Variants in XXYLT1 observed in about 807,000 individuals in gnomAD.
XXYLT1 encodes UDP-xylose:alpha-xyloside alpha-1,3-xylosyltransferase.
A neutral mutation model predicts 28.9 loss-of-function variants in XXYLT1; 20 were observed. That is an observed-to-expected ratio of 0.69 (90% confidence interval 0.49 to 1.00). The LOEUF (loss-of-function observed/expected upper bound fraction) is 1.00. Ranked by LOEUF, XXYLT1 falls within the 50% of genes least tolerant of loss-of-function variation. The pLI is 0.00. For missense variants in XXYLT1, 542 were observed against 560.1 expected (o/e 0.97, Z 0.33); for synonymous variants, 257 against 253.8 (o/e 1.01, Z -0.12).
At chr3:195,106,490 G>A (rs1315160689) in intron 3 of XXYLT1, among the ~76,000 whole-genome samples, 5 of 152,232 alleles carry the variant, frequency 3.3e-5, no homozygotes, top group Non-Finnish European at 5.9e-5. Context: ...CGGTGTCTAC[G>A]CCGGGCTCGC....
chr3:195,179,242 A>C (rs1007961417), intron 2 of XXYLT1, among the ~76,000 whole-genome samples: 10 of 151,682 alleles, frequency 6.6e-5, no homozygotes, highest in African/African-American at 2.4e-4. Flanking sequence ...CGGAAGGCTG[A>C]GGCAGGAGAA....
intron 2 of XXYLT1, among the ~76,000 whole-genome samples, chr3:195,218,822 C>G (rs1314009246): frequency 2.0e-5 from 3 of 151,870 alleles, no homozygotes; most frequent in Non-Finnish European, 4.4e-5. Context: ...TGGGTATATA[C>G]CCAAAGGACT....
Position 195,150,869 on chromosome 3 carries a change from C to CA in XXYLT1, c.785+5579_785+5580insT, listed in dbSNP as rs1216482518. ...TCACACACTCTCACACACACACACA[C>CA]TCTCTCCCTCTCCCTCTCCCTCTCT... On this transcript the variant is annotated intron_variant, in intron 3 of 3. Transcript: ENST00000310380. This position sits in a 1 kb window ranked among gnomAD's most constrained non-coding sequence, Gnocchi z 4.7. Among the ~76,000 whole-genome samples the CA allele has an allele frequency of 3.1e-4, 27 of 87,888 alleles. No homozygotes were observed. Among genetic ancestry groups the CA allele is most frequent in the African/African-American group, 1.5e-3 (27 of 18,224 alleles). 57.7% of individuals were successfully genotyped at this position (87,888 alleles called of 152,430 possible).
intron 3 of XXYLT1, among the ~76,000 whole-genome samples, chr3:195,110,205 G>GCAT (rs1717464461): frequency 1.4e-5 from 1 of 69,338 alleles, no homozygotes; most frequent in East Asian, 2.8e-4. Context: ...GTGTATGTGT[G>GCAT]GTGTGTGCGT....
At chr3:195,142,005 C>T (rs1560116054) in intron 3 of XXYLT1, among the ~76,000 whole-genome samples, 1 of 152,228 alleles carries the variant, frequency 6.6e-6, no homozygotes, top group Non-Finnish European at 1.5e-5. Flanking sequence ...GTAATCACAA[C>T]TTTGATTATC....
At chr3:195,071,744 T>C (rs969685251) in intron 3 of XXYLT1, among the ~76,000 whole-genome samples, 9 of 152,136 alleles carry the variant, frequency 5.9e-5, no homozygotes, top group Admixed American at 3.3e-4. Flanking sequence ...GTGGTTCATT[T>C]CAGGACCAGG....
At chr3:195,096,985 TGCGCTGA>T (rs1422341053) in intron 3 of XXYLT1, among the ~76,000 whole-genome samples, 3 of 152,264 alleles carry the variant, frequency 2.0e-5, no homozygotes, top group Non-Finnish European at 4.4e-5. Context: ...ATGGTCAGGC[TGCGCTGA>T]GCGCTGGGCA....
chr3:195,122,341 G>A (rs906641389), intron 3 of XXYLT1: 70 of 602,180 alleles, frequency 1.2e-4, no homozygotes, highest in Non-Finnish European at 1.9e-4. Context: ...AAACGCAGAT[G>A]GGAAAAGTAA....
intron 3 of XXYLT1, among the ~76,000 whole-genome samples, chr3:195,111,515 T>A (rs1236195136): frequency 1.3e-5 from 2 of 152,090 alleles, no homozygotes; most frequent in Non-Finnish European, 2.9e-5. Context: ...TGTATCTCTC[T>A]GGCTAGGATG....
At position 195,117,034 on chromosome 3, in the gene XXYLT1, C is replaced by T. The variant is rs532982300; in HGVS notation, c.785+39415G>A. Among the ~76,000 whole-genome samples, 4 of 152,078 alleles carry T rather than the reference C, an allele frequency of 2.6e-5. No individual in the cohort carries two copies. In the East Asian group the frequency reaches 7.7e-4, roughly 29 times the overall value. On this transcript the variant is annotated intron_variant, in intron 3 of 3. Coordinates refer to ENST00000310380, the MANE Select transcript of XXYLT1 (RefSeq NM_152531.5). Reference sequence around the variant, plus strand: ...ACGGGGATGTGGAAACAGGTGCCTTCATGTACTATTAATGGAAGTGAGAAT... The same window carrying T: ...ACGGGGATGTGGAAACAGGTGCCTTTATGTACTATTAATGGAAGTGAGAAT...
At chr3:195,230,476 G>A (rs180957982) in intron 1 of XXYLT1, among the ~76,000 whole-genome samples, 2 of 152,308 alleles carry the variant, frequency 1.3e-5, no homozygotes, top group East Asian at 1.9e-4. Flanking sequence ...ATGTCCTGGA[G>A]AGTTTCCCCC....
At chr3:195,191,083 TAAAG>T (rs1482204511) in intron 2 of XXYLT1, among the ~76,000 whole-genome samples, 4 of 152,224 alleles carry the variant, frequency 2.6e-5, no homozygotes, top group Non-Finnish European at 5.9e-5. Flanking sequence ...TCAACACTCT[TAAAG>T]AAAGGCAGGG....
chr3:195,112,414 G>A lies in XXYLT1; in HGVS notation c.786-42303C>T, dbSNP rs192505789. ...AAGGACTGCACGTGCGCACGTGCGC[G>A]CACACACACACATGCACACACACGC... On this transcript the variant is annotated intron_variant, in intron 3 of 3. Coordinates refer to ENST00000310380, the MANE Select transcript of XXYLT1 (RefSeq NM_152531.5). 4.7e-3 allele frequency among the ~76,000 whole-genome samples: 673 copies of A among 144,412 alleles called. 2 individuals carry two copies. The highest frequency in any genetic ancestry group is 7.0e-3 in the Middle Eastern group (2 of 286). The allele number at this position is 144,412 out of a possible 152,430, so 94.7% of individuals were successfully genotyped here. A position where few individuals can be genotyped will look rare whatever the true frequency, so the allele number is the denominator to read the frequency against.
In XXYLT1 at chr3:195,077,249, G is replaced by A. The variant is rs12634890; in HGVS notation, c.786-7138C>T. ...TGGGAGATGATGTAGGGGGCGGCAC[G>A]GGGACCCCAGCAGAGAGATGTCCAA... On this transcript the variant is annotated intron_variant, in intron 3 of 3. Transcript: ENST00000310380. The surrounding 1 kb of genome is among the most constrained non-coding windows in gnomAD (Gnocchi z 4.8). Among the ~76,000 whole-genome samples the A allele has an allele frequency of 5.4e-4, 82 of 152,202 alleles. No homozygotes were observed. The East Asian group carries it at 8.9e-3, about 17-fold the overall frequency.
At chr3:195,099,666 TAA>T (rs2108674901) in intron 3 of XXYLT1, among the ~76,000 whole-genome samples, 1 of 152,012 alleles carries the variant, frequency 6.6e-6, no homozygotes, top group Admixed American at 6.5e-5. Context: ...CCGTCTCTAC[TAA>T]AAATACAAAA....
intron 1 of XXYLT1, among the ~76,000 whole-genome samples, chr3:195,233,709 C>T (rs1394486231): frequency 6.6e-6 from 1 of 152,174 alleles, no homozygotes; most frequent in East Asian, 1.9e-4. Flanking sequence ...TCTTGCTGTA[C>T]TGTCTTGAAA....
In XXYLT1 at chr3:195,210,491, T is replaced by C. The variant is rs144556942; in HGVS notation, c.652+16218A>G. On this transcript the variant is annotated intron_variant, in intron 2 of 3. Transcript: ENST00000310380. This position sits in a 1 kb window ranked among gnomAD's most constrained non-coding sequence, Gnocchi z 4.8. The stretch of plus-strand genomic sequence containing the variant: ...AAGTAATAAGAGCCAGCTGATGCCT[T>C]TGACCGATAGCCAAGAATTTAAAAG... Among the ~76,000 whole-genome samples the C allele has an allele frequency of 1.5e-3, 233 of 152,314 alleles. 1 individual carries two copies. Among genetic ancestry groups the C allele is most frequent in the African/African-American group, 5.2e-3 (218 of 41,556 alleles).
At chr3:195,101,035 A>G (rs1418962205) in intron 3 of XXYLT1, among the ~76,000 whole-genome samples, 1 of 152,278 alleles carries the variant, frequency 6.6e-6, no homozygotes, top group African/African-American at 2.4e-5. Flanking sequence ...CCCACAGCCA[A>G]GGCCTCTGCC....
chr3:195,234,073 C>T (rs1419293774), intron 1 of XXYLT1, among the ~76,000 whole-genome samples: 18 of 150,910 alleles, frequency 1.2e-4, no homozygotes, highest in Admixed American at 1.1e-3. Context: ...CCCGCCACTA[C>T]GCCCAGCTAA....
Sources: allele counts gnomAD v4.1 joint callset (sites outside exome capture counted in the v4.1 genomes callset), GRCh38; gene constraint gnomAD v4.1.1; non-coding constraint Gnocchi (gnomAD v3.1); transcripts MANE v1.5; gene names NCBI Gene and HGNC (gene_info 2026-07-23, HGNC 2026-07-21).